The following DLGAP1 variants were observed in gnomAD, a reference collection of about 807,000 sequenced individuals.
DLGAP1 encodes the protein disks large-associated protein 1.
Under a neutral mutation model 90.8 loss-of-function variants are expected in DLGAP1, and 11 were observed. The ratio of observed to expected loss-of-function variants is 0.12; its 90% CI spans 0.08 to 0.20. DLGAP1 has a LOEUF of 0.20. DLGAP1 is among the 10% of genes least tolerant of loss of function. The pLI is 1.00. For missense variants in DLGAP1, 1,050 were observed against 1,333.8 expected (o/e 0.79, Z 3.31); for synonymous variants, 558 against 540.7 (o/e 1.03, Z -0.44).
intron 7 of DLGAP1, among the ~76,000 whole-genome samples, chr18:3,623,817 T>C (rs1739390470): frequency 6.9e-6 from 1 of 144,282 alleles, no homozygotes; most frequent in African/African-American, 2.6e-5. Context: ...CCCTAGAAAA[T>C]GCTTTTCCCG....
intron 3 of DLGAP1, among the ~76,000 whole-genome samples, chr18:3,927,445 T>C (rs2072417450): frequency 1.3e-5 from 2 of 152,234 alleles, no homozygotes; most frequent in Non-Finnish European, 1.5e-5. Context: ...AAAGAATGAA[T>C]AATATATTCC....
rs375351578 is a variant in DLGAP1, at chr18:3,898,017, A to G, written c.-72-17877T>C. On this transcript the variant is annotated intron_variant, in intron 3 of 12. Transcript: ENST00000315677. ...CACCTTGTTAGCCAGGATGGTCTCG[A>G]TCTCCTGACCTCGTGATCCGCCCGC... Among the ~76,000 whole-genome samples the G allele has an allele frequency of 2.2e-4, 33 of 151,758 alleles. No homozygotes were observed. The South Asian group carries it at 4.0e-3, about 18-fold the overall frequency.
intron 5 of DLGAP1, among the ~76,000 whole-genome samples, chr18:3,794,763 G>C (rs1157277881): frequency 6.6e-6 from 1 of 152,254 alleles, no homozygotes. Context: ...GTGTGGCTGG[G>C]AGTTACTGCT....
At chr18:3,557,377 C>T (rs1413032432) in intron 9 of DLGAP1, among the ~76,000 whole-genome samples, 1 of 151,966 alleles carries the variant, frequency 6.6e-6, no homozygotes, top group Admixed American at 6.6e-5. Context: ...TAAAAATTAG[C>T]TGGGTGTGGT....
chr18:3,752,560 TTC>T (rs1297595008), intron 5 of DLGAP1, among the ~76,000 whole-genome samples: 3 of 110,552 alleles, frequency 2.7e-5, no homozygotes, highest in East Asian at 6.3e-4. Context: ...CCTTCCTTCC[TTC>T]TCTTTCTCTT....
chr18:3,769,742 C>T (rs1290321192), intron 5 of DLGAP1, among the ~76,000 whole-genome samples: 2 of 151,852 alleles, frequency 1.3e-5, no homozygotes, highest in African/African-American at 4.8e-5. Flanking sequence ...AAAAGGGCAA[C>T]ATGAGGGACC....
intron 3 of DLGAP1, among the ~76,000 whole-genome samples, chr18:3,931,652 G>C (rs1410071751): frequency 6.6e-6 from 1 of 152,110 alleles, no homozygotes; most frequent in Non-Finnish European, 1.5e-5. Context: ...GGTCAAGTAG[G>C]TCACTTGTCC....
intron 1 of DLGAP1, among the ~76,000 whole-genome samples, chr18:4,352,260 T>A (rs2081418136): frequency 6.6e-6 from 1 of 152,168 alleles, no homozygotes; most frequent in African/African-American, 2.4e-5. Context: ...GTCAATTTCA[T>A]TATAGATGCT....
At chr18:4,165,080 G>A (rs1270813152) in intron 1 of DLGAP1, among the ~76,000 whole-genome samples, 2 of 152,074 alleles carry the variant, frequency 1.3e-5, no homozygotes, top group African/African-American at 2.4e-5. Flanking sequence ...GAATATTCAA[G>A]GAAATAATGA....
chr18:4,355,986 G>A (rs1031985294), intron 1 of DLGAP1, among the ~76,000 whole-genome samples: 16 of 151,518 alleles, frequency 1.1e-4, no homozygotes, highest in Non-Finnish European at 2.4e-4. Flanking sequence ...CCAGCTCCCA[G>A]GAAACTGCCC....
At chr18:4,386,096 G>T (rs2082224747) in intron 1 of DLGAP1, among the ~76,000 whole-genome samples, 2 of 152,138 alleles carry the variant, frequency 1.3e-5, no homozygotes, top group Non-Finnish European at 2.9e-5. Flanking sequence ...ATGTGTTTGT[G>T]ACAAGGGATT....
At chr18:4,053,722 T>G (rs568630722) in intron 2 of DLGAP1, among the ~76,000 whole-genome samples, 1 of 152,172 alleles carries the variant, frequency 6.6e-6, no homozygotes. Flanking sequence ...CGTGAGCCAA[T>G]TAAACCTCTT....
intron 5 of DLGAP1, among the ~76,000 whole-genome samples, chr18:3,747,410 T>C (rs577594000): frequency 3.9e-5 from 6 of 152,312 alleles, no homozygotes. Flanking sequence ...AGATCTTTTT[T>C]AGAAAAAGAG....
intron 5 of DLGAP1, among the ~76,000 whole-genome samples, chr18:3,759,866 G>T (rs989427557): frequency 1.3e-4 from 20 of 152,350 alleles, no homozygotes; most frequent in African/African-American, 4.6e-4. Context: ...CCAGGTAAAA[G>T]TGAGCCAGAC....
chr18:4,068,559 A>G lies in DLGAP1; in HGVS notation c.-158-63358T>C, dbSNP rs1183860827. On this transcript the variant is annotated intron_variant, in intron 2 of 12. Coordinates refer to ENST00000315677, the MANE Select transcript of DLGAP1 (RefSeq NM_004746.4). ...TTTTGGATATTAATAAACATGATGC[A>G]TAACTATGCATTTTTAACGCATAAA... is the stretch of plus-strand genomic sequence containing the variant. Among the ~76,000 whole-genome samples the G allele has an allele frequency of 3.3e-5, 5 of 152,182 alleles. No homozygotes were observed. The East Asian group carries it at 9.6e-4, about 29-fold the overall frequency.
chr18:4,095,987 G>T (rs1416430370), intron 2 of DLGAP1, among the ~76,000 whole-genome samples: 4 of 152,138 alleles, frequency 2.6e-5, no homozygotes, highest in African/African-American at 4.8e-5. Context: ...AGATGATGAT[G>T]ATTATTTTTT....
intron 3 of DLGAP1, among the ~76,000 whole-genome samples, chr18:3,985,664 T>C (rs1938954309): frequency 6.6e-6 from 1 of 152,168 alleles, no homozygotes; most frequent in Admixed American, 6.5e-5. Context: ...TACTGTTCAG[T>C]AGTGCTTTGT....
At chr18:4,162,526 C>T (rs951521575) in intron 1 of DLGAP1, among the ~76,000 whole-genome samples, 3 of 152,088 alleles carry the variant, frequency 2.0e-5, no homozygotes, top group Admixed American at 2.0e-4. Context: ...ATTATAACTA[C>T]AAGGAAGTAA....
At chr18:4,226,976 A>G (rs1300627860) in intron 1 of DLGAP1, among the ~76,000 whole-genome samples, 1 of 151,962 alleles carries the variant, frequency 6.6e-6, no homozygotes, top group Non-Finnish European at 1.5e-5. Context: ...CACTTCACCT[A>G]TAAAGAAATA....
Sources: gnomAD v4.1 joint callset for allele counts (sites outside exome capture counted in the v4.1 genomes callset) on GRCh38, gnomAD v4.1.1 for gene constraint, MANE v1.5 for transcripts, NCBI Gene and HGNC (gene_info 2026-07-23, HGNC 2026-07-21) for gene names.